DNAJC27: variants seen among roughly 807,000 people sequenced by gnomAD.
The protein encoded by DNAJC27 is DnaJ heat shock protein family (Hsp40) member C27, also known as dnaJ homolog subfamily C member 27.
DNAJC27 carries 25 observed loss-of-function variants against 31.4 expected under a neutral mutation model. The ratio of observed to expected loss-of-function variants is 0.80; its 90% CI spans 0.58 to 1.11. The LOEUF (loss-of-function observed/expected upper bound fraction) is 1.11. Ranked by LOEUF, DNAJC27 falls within the 50% of genes most tolerant of loss-of-function variation. The probability of loss-of-function intolerance (pLI) is 0.00; values close to 1 mark genes in which losing one functional copy is unlikely to be tolerated. For missense variants in DNAJC27, 356 were observed against 347.3 expected (o/e 1.02, Z -0.20); for synonymous variants, 106 against 112.7 (o/e 0.94, Z 0.37).
intron 5 of DNAJC27, among the ~76,000 whole-genome samples, chr2:24,955,998 C>T (rs1665895362): frequency 6.6e-6 from 1 of 152,228 alleles, no homozygotes; most frequent in Non-Finnish European, 1.5e-5. Context: ...CACAAAGTCA[C>T]ATAGCTCCAA....
intron 1 of DNAJC27, chr2:24,971,582 G>T (rs1234382195): frequency 7.1e-6 from 3 of 425,178 alleles, no homozygotes; most frequent in African/African-American, 4.2e-5. Flanking sequence ...TCAAGGCTTA[G>T]AGGCCACCCC....
At chr2:24,968,510 A>G (rs948725846) in intron 1 of DNAJC27, among the ~76,000 whole-genome samples, 1 of 150,810 alleles carries the variant, frequency 6.6e-6, no homozygotes, top group African/African-American at 2.4e-5. Context: ...TTATTTATTT[A>G]TTATTATTAT....
rs547339830 is a variant in DNAJC27, at chr2:24,947,794, AC to A, written c.690-47del. On this transcript the variant is annotated intron_variant, in intron 6 of 6. Transcript: ENST00000264711. ...CTATGTTAGTAACAGAGTCAGCCCA[AC>A]CCACTGCATGTTAGCTGTTTGGACA... The A allele has an allele frequency of 9.1e-5, 144 of 1,584,774 alleles. No homozygotes were observed. The African/African-American group carries it at 1.7e-3, about 19-fold the overall frequency.
intron 3 of DNAJC27, among the ~76,000 whole-genome samples, chr2:24,961,850 T>TA (rs1342357893): frequency 1.3e-5 from 2 of 152,182 alleles, no homozygotes; most frequent in African/African-American, 4.8e-5. Flanking sequence ...GTGAAGATGC[T>TA]ATGAACATTC....
chr2:24,958,603 T>C (rs1379556042), intron 3 of DNAJC27: 1 of 410,520 alleles, frequency 2.4e-6, no homozygotes, highest in Non-Finnish European at 5.0e-6. Context: ...TTTCCTCATC[T>C]GTAAAATGGG....
At chr2:24,970,275 C>T (rs938303708) in intron 1 of DNAJC27, among the ~76,000 whole-genome samples, 2 of 151,874 alleles carry the variant, frequency 1.3e-5, no homozygotes, top group African/African-American at 4.8e-5. Flanking sequence ...TTTGGGTTTC[C>T]AGGTAAACAA....
chr2:24,959,189 T>C (rs1665982119), intron 3 of DNAJC27, among the ~76,000 whole-genome samples: 1 of 152,202 alleles, frequency 6.6e-6, no homozygotes, highest in African/African-American at 2.4e-5. Flanking sequence ...TCTAAAACTC[T>C]CACTGCCTTG....
In DNAJC27 at chr2:24,943,782, G is replaced by C. The variant is rs1665579445; in HGVS notation, c.*3834C>G. On this transcript the variant is annotated 3_prime_UTR_variant, in exon 7 of 7. Transcript: ENST00000264711. ...ATGTAAATTACCTTGTAAGAGCAAA[G>C]AGTTCATTTATAGACTCTGCTTTCA... The C allele has an allele frequency of 6.6e-6, 1 of 152,652 alleles. No individual in the cohort carries two copies. The highest frequency in any genetic ancestry group is 2.4e-5 in the African/African-American group (1 of 41,462). 9.5% of individuals were successfully genotyped at this position (152,652 alleles called of 1,614,324 possible). A position where few individuals can be genotyped will look rare whatever the true frequency, so the allele number is the denominator to read the frequency against.
chr2:24,951,425 C>T lies in DNAJC27; in HGVS notation c.658G>A (p.Asp220Asn). ...GCCCCAGGTTTGACTCCCAGCATGT[C>T]CCAACTGTCTTTACTATTTCGAATT... Reference protein sequence around the residue: ...RRIRNSKDSWDMLGVKPGASR... With the variant: ...RRIRNSKDSWNMLGVKPGASR... Residue 220 changes from aspartate (D) to asparagine (N), a missense_variant, in exon 6 of 7, where the codon GAC becomes AAC. Transcript: ENST00000264711. 1.2e-6 allele frequency: 2 copies of T among 1,613,382 alleles called. No individual in the cohort carries two copies. The highest frequency in any genetic ancestry group is 1.7e-6 in the Non-Finnish European group (2 of 1,179,624).
At chr2:24,970,618 CCAT>C (rs1666307233) in intron 1 of DNAJC27, among the ~76,000 whole-genome samples, 1 of 151,836 alleles carries the variant, frequency 6.6e-6, no homozygotes, top group Admixed American at 6.6e-5. Context: ...GCGTGCACCA[CCAT>C]GCCTGGCTAA....
chr2:24,948,686 A>G (rs1461176190), intron 6 of DNAJC27, among the ~76,000 whole-genome samples: 1 of 152,166 alleles, frequency 6.6e-6, no homozygotes, highest in Non-Finnish European at 1.5e-5. Context: ...CTCCTCAAAG[A>G]GCCAAAACTG....
At chr2:24,954,167 T>C (rs1177902330) in intron 5 of DNAJC27, among the ~76,000 whole-genome samples, 1 of 152,132 alleles carries the variant, frequency 6.6e-6, no homozygotes, top group African/African-American at 2.4e-5. Context: ...TGGGGGTCTC[T>C]CATGAGTCTG....
chr2:24,948,204 G>A (rs1173601092), intron 6 of DNAJC27, among the ~76,000 whole-genome samples: 3 of 152,074 alleles, frequency 2.0e-5, no homozygotes, highest in African/African-American at 7.2e-5. Context: ...CCCAACACCT[G>A]GGCCTGATAA....
chr2:24,957,886 C>G lies in DNAJC27; in HGVS notation c.329G>C (p.Trp110Ser), dbSNP rs772453638. Residue 110 changes from tryptophan to serine, a missense_variant, in exon 4 of 7, where the codon TGG (tryptophan) becomes TCG (serine). Coordinates refer to ENST00000264711, the MANE Select transcript of DNAJC27 (RefSeq NM_016544.3). ...AAGCTCTTGCTTCATTTCTGCCAGC[C>G]ACGCATCAAGGGCGTCAAAGGAGTC... Reference protein sequence around the residue: ...QKDSFDALDAWLAEMKQELGP... With the variant: ...QKDSFDALDASLAEMKQELGP... 1 of 1,614,176 alleles carries G rather than the reference C, an allele frequency of 6.2e-7. No individual in the cohort carries two copies. The highest frequency in any genetic ancestry group is 1.1e-5 in the South Asian group (1 of 91,080).
chr2:24,948,569 C>A (rs1287006074), intron 6 of DNAJC27, among the ~76,000 whole-genome samples: 1 of 152,212 alleles, frequency 6.6e-6, no homozygotes, highest in Admixed American at 6.5e-5. Flanking sequence ...AGAAACACGA[C>A]AGAGATCAGT....
Position 24,944,961 on chromosome 2 carries a change from A to T in DNAJC27, c.*2655T>A, listed in dbSNP as rs1665612177. 1 of 152,584 alleles carries T rather than the reference A, an allele frequency of 6.6e-6. No individual in the cohort carries two copies. Among genetic ancestry groups the T allele is most frequent in the East Asian group, 1.9e-4 (1 of 5,184 alleles). The allele number at this position is 152,584 out of a possible 1,614,324, so 9.5% of individuals were successfully genotyped here. The stretch of plus-strand genomic sequence containing the variant: ...TTTTTTGAAAAACAAGATTCTCTAT[A>T]AAAACGTTTTAGCCATTGTAATTAT... On this transcript the variant is annotated 3_prime_UTR_variant, in exon 7 of 7. Transcript: ENST00000264711.
chr2:24,949,350 C>CT (rs1455954759), intron 6 of DNAJC27, among the ~76,000 whole-genome samples: 2 of 152,220 alleles, frequency 1.3e-5, no homozygotes, highest in Non-Finnish European at 1.5e-5. Flanking sequence ...CTTCCAGCCA[C>CT]TCTGCCTCCC....
chr2:24,944,483 A>G lies in DNAJC27; in HGVS notation c.*3133T>C. On this transcript the variant is annotated 3_prime_UTR_variant, in exon 7 of 7. Transcript: ENST00000264711. ...TTTAACTAACAGTGAATTAGGTACT[A>G]GTTTATAGGTATAAAGAAATAGTTA... 1 of 152,510 alleles carries G rather than the reference A, an allele frequency of 6.6e-6. No individual in the cohort carries two copies. Among genetic ancestry groups the G allele is most frequent in the East Asian group, 1.9e-4 (1 of 5,202 alleles). 9.4% of individuals were successfully genotyped at this position (152,510 alleles called of 1,614,324 possible).
At chr2:24,948,798 C>T (rs1665704140) in intron 6 of DNAJC27, among the ~76,000 whole-genome samples, 1 of 152,230 alleles carries the variant, frequency 6.6e-6, no homozygotes, top group South Asian at 2.1e-4. Flanking sequence ...ACTCCCCAGT[C>T]AGATTAAGCT....
Sources: allele counts gnomAD v4.1 joint callset (sites outside exome capture counted in the v4.1 genomes callset), GRCh38; gene constraint gnomAD v4.1.1; transcripts MANE v1.5; gene names NCBI Gene and HGNC (gene_info 2026-07-23, HGNC 2026-07-21).